The following COL19A1 variants were observed in gnomAD, a reference collection of about 807,000 sequenced individuals.
COL19A1 encodes the protein collagen alpha-1(XIX) chain.
Under a neutral mutation model 190.2 loss-of-function variants are expected in COL19A1, and 159 were observed. The ratio of observed to expected loss-of-function variants is 0.84; its 90% confidence interval spans 0.73 to 0.95. The LOEUF (loss-of-function observed/expected upper bound fraction) is 0.95, where lower values mean the gene tolerates loss of function less well. COL19A1 is among the 40% of genes least tolerant of loss of function. COL19A1 has a pLI of 0.00. For missense variants in COL19A1, 1,418 were observed against 1,431.9 expected, an observed-to-expected ratio of 0.99 and a Z score of 0.16; for synonymous variants, 509 against 458.9, an observed-to-expected ratio of 1.11 and a Z score of -1.39.
chr6:70,111,195 T>C (rs891566913), intron 16 of COL19A1, among the ~76,000 whole-genome samples: 2 of 152,196 alleles, frequency 1.3e-5, no homozygotes, highest in Admixed American at 1.3e-4. Context: ...TTTCATTTAA[T>C]AAGAATATTC....
chr6:70,122,086 T>C lies in COL19A1; in HGVS notation c.1341+144T>C, dbSNP rs1430290447. 5.6e-6 allele frequency: 3 copies of C among 533,548 alleles called. No homozygotes were observed. In the African/African-American group the frequency reaches 6.0e-5, roughly 11 times the overall value. 33.1% of individuals were successfully genotyped at this position (533,548 alleles called of 1,614,324 possible). A position where few individuals can be genotyped will look rare whatever the true frequency, so the allele number is the denominator to read the frequency against. On this transcript the variant is annotated intron_variant, in intron 17 of 50. Transcript: ENST00000620364. Reference sequence around the variant, plus strand: ...AAACATCTTTCCATACTGAAAGCTATGTTTTCAAAAACAAAAATAAAAAAA... The same window carrying C: ...AAACATCTTTCCATACTGAAAGCTACGTTTTCAAAAACAAAAATAAAAAAA...
At chr6:70,160,000 G>A (rs547035516) in intron 34 of COL19A1, among the ~76,000 whole-genome samples, 2 of 152,054 alleles carry the variant, frequency 1.3e-5, no homozygotes, top group East Asian at 3.9e-4. Flanking sequence ...TTGAAAATTG[G>A]GAAAATACAA....
Position 70,001,307 on chromosome 6 carries a change from C to T in COL19A1, c.1027-22320C>T, listed in dbSNP as rs111994190. On this transcript the variant is annotated intron_variant, in intron 11 of 50. Coordinates refer to ENST00000620364, the MANE Select transcript of COL19A1 (RefSeq NM_001858.6). Reference sequence around the variant, plus strand: ...TAGTTTGAAGTCAGGTAGCGTGATGCCTCCAGCTTTGTTCTTTTTGCTTAG... The same window carrying T: ...TAGTTTGAAGTCAGGTAGCGTGATGTCTCCAGCTTTGTTCTTTTTGCTTAG... Among the ~76,000 whole-genome samples, 1,330 of 152,222 alleles carry T rather than the reference C, an allele frequency of 8.7e-3. 19 individuals carry two copies. Among genetic ancestry groups the T allele is most frequent in the African/African-American group, 0.03 (1,241 of 41,506 alleles).
intron 7 of COL19A1, among the ~76,000 whole-genome samples, chr6:69,934,351 T>G (rs1438370226): frequency 6.6e-6 from 1 of 152,004 alleles, no homozygotes; most frequent in Admixed American, 6.6e-5. Context: ...TTAAAGATGT[T>G]AATTCCCCCA....
chr6:69,968,385 A>T (rs1038796350), intron 11 of COL19A1, among the ~76,000 whole-genome samples: 6 of 152,166 alleles, frequency 3.9e-5, no homozygotes, highest in African/African-American at 1.4e-4. Flanking sequence ...TAGGCTCATA[A>T]GCTTGTTGGA....
chr6:69,869,751 T>C (rs1470904217), intron 1 of COL19A1, among the ~76,000 whole-genome samples: 1 of 152,192 alleles, frequency 6.6e-6, no homozygotes, highest in Non-Finnish European at 1.5e-5. Flanking sequence ...AAACAAATCA[T>C]AGTTCAGAGA....
chr6:69,878,571 G>A (rs896737832), intron 1 of COL19A1, among the ~76,000 whole-genome samples: 5 of 152,098 alleles, frequency 3.3e-5, no homozygotes, highest in African/African-American at 1.2e-4. Context: ...TGGAGAAATT[G>A]GAGCCCTTGT....
intron 37 of COL19A1, among the ~76,000 whole-genome samples, chr6:70,167,600 A>G (rs1439657731): frequency 1.1e-4 from 16 of 152,334 alleles, no homozygotes; most frequent in Admixed American, 3.9e-4. Flanking sequence ...ATTACTTTTC[A>G]GTAGCCAAAT....
intron 14 of COL19A1, among the ~76,000 whole-genome samples, chr6:70,041,582 G>A (rs1779635492): frequency 6.6e-6 from 1 of 152,050 alleles, no homozygotes. Context: ...CTGAGGATGG[G>A]AATATCTAAG....
chr6:70,058,297 G>A (rs1780625316), intron 14 of COL19A1, among the ~76,000 whole-genome samples: 1 of 151,980 alleles, frequency 6.6e-6, no homozygotes, highest in African/African-American at 2.4e-5. Flanking sequence ...AAATTGTTAA[G>A]TTTTAAAAGC....
At chr6:70,168,101 A>G (rs1307502881) in intron 38 of COL19A1, 26 bp downstream of exon 38, 2 of 1,587,756 alleles carry the variant, frequency 1.3e-6, no homozygotes, top group African/African-American at 2.7e-5. Context: ...ATTATTTAAA[A>G]TCCAGTTATA....
intron 1 of COL19A1, chr6:69,867,307 G>C (rs1186217322): frequency 6.6e-6 from 1 of 152,528 alleles, no homozygotes; most frequent in African/African-American, 2.4e-5. Flanking sequence ...CGGAGCGTCC[G>C]GCCCTGTTCC....
In COL19A1 at chr6:69,927,967, C is replaced by T. The variant is rs756283130; in HGVS notation, c.325C>T (p.Arg109Ter). 1.2e-5 allele frequency: 20 copies of T among 1,613,210 alleles called. No individual in the cohort carries two copies. Among genetic ancestry groups the T allele is most frequent in the East Asian group, 6.7e-5 (3 of 44,866 alleles). Reference protein sequence around the residue: ...EYSVAAMFRVRRNAKKERWFL... With the variant: ...EYSVAAMFRV ...CTCAGTAGCTGCCATGTTTCGAGTA[C>T]GAAGAAACGCCAAAAAGGAACGGTG... Residue 109 changes from arginine to a stop codon, truncating the protein, a stop_gained, in exon 5 of 51, where the codon CGA becomes TGA. Coordinates refer to ENST00000620364, the MANE Select transcript of COL19A1 (RefSeq NM_001858.6). LOFTEE classifies it high-confidence loss of function.
chr6:70,082,147 G>T (rs1582866302), intron 15 of COL19A1, among the ~76,000 whole-genome samples: 2 of 152,150 alleles, frequency 1.3e-5, no homozygotes, highest in Admixed American at 1.3e-4. Context: ...CTAGAATGTT[G>T]AATTTATTTA....
At chr6:69,985,206 G>A (rs1776248268) in intron 11 of COL19A1, among the ~76,000 whole-genome samples, 1 of 152,156 alleles carries the variant, frequency 6.6e-6, no homozygotes, top group African/African-American at 2.4e-5. Flanking sequence ...GTTTTGTTGT[G>A]TGGGATGGTT....
At chr6:69,935,413 A>G (rs1430079205) in intron 7 of COL19A1, among the ~76,000 whole-genome samples, 3 of 152,056 alleles carry the variant, frequency 2.0e-5, no homozygotes, top group African/African-American at 4.8e-5. Flanking sequence ...GTGAATTCTA[A>G]GTGGGTCTTG....
chr6:70,063,988 G>A (rs1365246263), intron 14 of COL19A1, among the ~76,000 whole-genome samples: 1 of 152,066 alleles, frequency 6.6e-6, no homozygotes, highest in Non-Finnish European at 1.5e-5. Flanking sequence ...ATAATTAATA[G>A]CTTACCAACC....
chr6:69,981,669 AC>A (rs1220176536), intron 11 of COL19A1, among the ~76,000 whole-genome samples: 8 of 151,940 alleles, frequency 5.3e-5, no homozygotes, highest in African/African-American at 1.2e-4. Context: ...ATTTAAAAAA[AC>A]ATTTAACATT....
Position 70,210,223 on chromosome 6 carries a change from T to A in COL19A1, c.*2949T>A, listed in dbSNP as rs1421756970. 6.6e-6 allele frequency among the ~76,000 whole-genome samples: 1 copy of A among 152,192 alleles called. No individual in the cohort carries two copies. Among genetic ancestry groups the A allele is most frequent in the Non-Finnish European group, 1.5e-5 (1 of 68,002 alleles). ...GTTTGAGTTCCAATCTTACATTTTATACCAAGTTCAAAACACTTTCAGATA... is the reference window on the plus strand; with the variant it reads ...GTTTGAGTTCCAATCTTACATTTTAAACCAAGTTCAAAACACTTTCAGATA... On this transcript the variant is annotated 3_prime_UTR_variant, in exon 51 of 51. Transcript: ENST00000620364.
Sources: gnomAD v4.1 joint callset for allele counts (sites outside exome capture counted in the v4.1 genomes callset) on GRCh38, gnomAD v4.1.1 for gene constraint, MANE v1.5 for transcripts, NCBI Gene and HGNC (gene_info 2026-07-23, HGNC 2026-07-21) for gene names.